MICAL2: variants seen among roughly 807,000 people sequenced by gnomAD.
MICAL2 encodes microtubule associated monooxygenase, calponin and LIM domain containing 2, also known as [F-actin]-monooxygenase MICAL2.
MICAL2 carries 77 observed loss-of-function variants against 127.3 expected under a neutral mutation model. The observed-to-expected ratio is 0.60, with a 90% confidence interval of 0.50 to 0.73. MICAL2 has a LOEUF of 0.73. Among genes scored for constraint, MICAL2 ranks in the 30% least tolerant of loss-of-function variants. MICAL2 has a pLI of 0.00. For synonymous variants in MICAL2, 570 were observed against 551.1 expected (o/e 1.03, Z -0.48); for missense variants, 1,351 against 1,434.4 (o/e 0.94, Z 0.94).
chr11:12,162,370 G>A lies in MICAL2; in HGVS notation c.215G>A (p.Arg72His), dbSNP rs749392019. 55 of 1,614,150 alleles carry A rather than the reference G, an allele frequency of 3.4e-5. No homozygotes were observed. Among genetic ancestry groups the A allele is most frequent in the African/African-American group, 5.3e-5 (4 of 74,948 alleles). The change falls in exon 3 of 28, where the codon CGT becomes CAT. Residue 72 changes from arginine (R) to histidine (H), a missense_variant. Around this residue, in one of 2 missense-constraint regions of MICAL2, gnomAD observed 599 missense variants for 714.9 expected, o/e 0.84. Coordinates refer to ENST00000683283, the MANE Select transcript of MICAL2 (RefSeq NM_001282663.2). ...AKALWYKLDK[R>H]GSHKEYKRGK... The stretch of plus-strand genomic sequence containing the variant: ...GCCCTGTGGTACAAATTGGATAAGC[G>A]TGGTTCCCACAAAGAGTATAAGCGA...
intron 3 of MICAL2, among the ~76,000 whole-genome samples, chr11:12,176,263 C>T (rs1200165777): frequency 6.6e-6 from 1 of 152,134 alleles, no homozygotes; most frequent in East Asian, 1.9e-4. Flanking sequence ...TCCTGAATAC[C>T]CATGACACTT....
At chr11:12,140,273 C>G (rs1287029481) in intron 2 of MICAL2, among the ~76,000 whole-genome samples, 1 of 152,188 alleles carries the variant, frequency 6.6e-6, no homozygotes, top group African/African-American at 2.4e-5. Context: ...CATGATCAAG[C>G]AGGTGGACTT....
Position 12,313,208 on chromosome 11 carries a change from C to G in MICAL2, c.5213-6488C>G, listed in dbSNP as rs1444855363. 2.9e-5 allele frequency among the ~76,000 whole-genome samples: 4 copies of G among 138,654 alleles called. No individual in the cohort carries two copies. In the Admixed American group the frequency reaches 2.9e-4, roughly 10 times the overall value. 91.0% of individuals were successfully genotyped at this position (138,654 alleles called of 152,430 possible). On this transcript the variant is annotated intron_variant, in intron 29 of 34. Coordinates refer to the MICAL2 transcript ENST00000646065. ...AAAAAAGATCTAGAGTCAAACAAGA[C>G]AAGTCAGATTATTTCTTTATGGACA... is the stretch of plus-strand genomic sequence containing the variant.
At chr11:12,288,536 C>T (rs1288581747), downstream of MICAL2, among the ~76,000 whole-genome samples, 1 of 152,192 alleles carries the variant, frequency 6.6e-6, no homozygotes, top group Non-Finnish European at 1.5e-5. Context: ...GGAAACTCAG[C>T]CTTTAGTTAT....
At position 12,260,844 on chromosome 11, in the gene MICAL2, C is replaced by G. The variant is rs1438878463; in HGVS notation, c.3334+947C>G. On this transcript the variant is annotated intron_variant, in intron 26 of 27. Transcript: ENST00000683283. ...ACAGTAGCTTAAAGGCTTTCCCCCCCATACCAACTCACAGCCAAATGACAA... is the reference window on the plus strand; with the variant it reads ...ACAGTAGCTTAAAGGCTTTCCCCCCGATACCAACTCACAGCCAAATGACAA... The G allele has an allele frequency of 1.3e-5, 13 of 985,338 alleles. No homozygotes were observed. The East Asian group carries it at 1.2e-3, about 94-fold the overall frequency. 61.0% of individuals were successfully genotyped at this position (985,338 alleles called of 1,614,324 possible). A position where few individuals can be genotyped will look rare whatever the true frequency, so the allele number is the denominator to read the frequency against.
chr11:12,348,994 G>T (rs1295220383), intron 32 of MICAL2, among the ~76,000 whole-genome samples: 1 of 152,186 alleles, frequency 6.6e-6, no homozygotes, highest in Non-Finnish European at 1.5e-5. Context: ...TAAGCAACTT[G>T]CACAAGGTCA....
chr11:12,330,508 T>G (rs947568102), intron 32 of MICAL2, among the ~76,000 whole-genome samples: 2 of 152,126 alleles, frequency 1.3e-5, no homozygotes, highest in East Asian at 3.9e-4. Flanking sequence ...GAAAGGGGCT[T>G]TTGTTCTGGG....
chr11:12,164,183 A>C (rs1394240473), intron 3 of MICAL2, among the ~76,000 whole-genome samples: 2 of 152,148 alleles, frequency 1.3e-5, no homozygotes, highest in Non-Finnish European at 1.5e-5. Context: ...TAGAACAGTC[A>C]TCACATCTTG....
At chr11:12,120,489 G>T (rs1266096033) in intron 1 of MICAL2, among the ~76,000 whole-genome samples, 2 of 152,186 alleles carry the variant, frequency 1.3e-5, no homozygotes, top group Non-Finnish European at 2.9e-5. Context: ...ATGGAGGGAG[G>T]TGCATTAGAC....
Position 12,162,247 on chromosome 11 carries a change from C to T in MICAL2, c.92C>T (p.Ala31Val). Reference protein sequence around the residue: ...QASTCKGTLQAFNILTRHLDL... With the variant: ...QASTCKGTLQVFNILTRHLDL... ...TCCACGTGCAAAGGTACCCTCCAGG[C>T]CTTCAACATTCTCACACGACACCTG... is the stretch of plus-strand genomic sequence containing the variant. Residue 31 changes from alanine (A) to valine (V), a missense_variant, in exon 3 of 28, where the codon GCC becomes GTC. Ala to Val is a moderately conservative substitution (Grantham distance 64). Around this residue, in one of 2 missense-constraint regions of MICAL2, gnomAD observed 599 missense variants for 714.9 expected, o/e 0.84. Transcript: ENST00000683283. 5 of 1,614,230 alleles carry T rather than the reference C, an allele frequency of 3.1e-6. No individual in the cohort carries two copies. Among genetic ancestry groups the T allele is most frequent in the African/African-American group, 2.7e-5 (2 of 75,052 alleles).
chr11:12,125,428 G>T (rs1564993154), intron 1 of MICAL2, among the ~76,000 whole-genome samples: 1 of 152,066 alleles, frequency 6.6e-6, no homozygotes, highest in African/African-American at 2.4e-5. Context: ...TAATTTTTTT[G>T]TATTTTTAGT....
chr11:12,204,420 C>T lies in MICAL2; in HGVS notation c.435C>T (p.Phe145=). Reference sequence around the variant, plus strand: ...TTCGTGGCCTGGGAGCCAAGAAGTTCTATGGGAAGTTCTGTGCTGGCTCCA... The same window carrying T: ...TTCGTGGCCTGGGAGCCAAGAAGTTTTATGGGAAGTTCTGTGCTGGCTCCA... ...HDLRGLGAKK[F]YGKFCAGSID... The change falls in exon 4 of 28, where the codon TTC becomes TTT. Residue 145 remains phenylalanine, a synonymous_variant. Coordinates refer to ENST00000683283, the MANE Select transcript of MICAL2 (RefSeq NM_001282663.2). 6.2e-7 allele frequency: 1 copy of T among 1,614,174 alleles called. No individual in the cohort carries two copies. The highest frequency in any genetic ancestry group is 8.5e-7 in the Non-Finnish European group (1 of 1,180,016).
At position 12,339,795 on chromosome 11, in the gene MICAL2, G is replaced by A. The variant is rs138605231; in HGVS notation, c.5516-10043G>A. Among the ~76,000 whole-genome samples the A allele has an allele frequency of 4.9e-3, 741 of 152,270 alleles. 4 individuals carry two copies. Among genetic ancestry groups the A allele is most frequent in the African/African-American group, 0.017 (689 of 41,542 alleles). On this transcript the variant is annotated intron_variant, in intron 32 of 34. Transcript: ENST00000646065. ...GAACCGCAAATGCTGCTGCCTGATC[G>A]TTCCTTTGGAAGTTTTGTCTCAGAG...
At chr11:12,334,915 G>A (rs568382800) in intron 32 of MICAL2, among the ~76,000 whole-genome samples, 6 of 152,128 alleles carry the variant, frequency 3.9e-5, no homozygotes, top group East Asian at 1.9e-4. Flanking sequence ...GTAAACATAC[G>A]TGCACATGTG....
chr11:12,148,767 TG>T (rs1853241272), intron 2 of MICAL2, among the ~76,000 whole-genome samples: 1 of 152,180 alleles, frequency 6.6e-6, no homozygotes, highest in African/African-American at 2.4e-5. Context: ...TGCAAGGGTA[TG>T]TGCAAAACCA....
At chr11:12,281,003 C>T (rs910750557) in exon 2 of MICAL2, 96 of 399,048 alleles carry the variant, frequency 2.4e-4, no homozygotes, top group Non-Finnish European at 3.3e-4. Context: ...GAAACCCTGG[C>T]GGCCAGGATC....
rs575258390 is a variant in MICAL2, at chr11:12,352,491, G to A, written c.5616-2293G>A. 2.3e-3 allele frequency among the ~76,000 whole-genome samples: 346 copies of A among 152,296 alleles called. 1 individual carries two copies. The highest frequency in any genetic ancestry group is 3.1e-3 in the Non-Finnish European group (210 of 68,028). On this transcript the variant is annotated intron_variant, in intron 33 of 34. Transcript: ENST00000646065. ...TGTGTCCCATAACTGCAGCTTCCCC[G>A]GTCAACGCACTGTAGGAAGGACTTT...
rs747440854 is a variant in MICAL2 at position 12,187,042 on chromosome 11, G to A, written c.265-17208G>A. 7.0e-4 allele frequency among the ~76,000 whole-genome samples: 107 copies of A among 152,190 alleles called. 1 individual carries two copies. The highest frequency in any genetic ancestry group is 1.2e-3 in the Admixed American group (18 of 15,274). ...ATTTCCCTCCATGAATTAGAGCAGC[G>A]GTGTGCTTTCTGCCTGAGGCTCCAG... On this transcript the variant is annotated intron_variant, in intron 3 of 27. Transcript: ENST00000683283.
At chr11:12,284,164 T>G (rs528314126) in intron 2 of MICAL2, among the ~76,000 whole-genome samples, 55 of 152,304 alleles carry the variant, frequency 3.6e-4, no homozygotes, top group African/African-American at 1.3e-3. Context: ...ACTAATTAGA[T>G]TTAGGAGAAC....
Sources: gnomAD v4.1 joint callset for allele counts (sites outside exome capture counted in the v4.1 genomes callset) on GRCh38, gnomAD v4.1.1 for gene constraint, gnomAD v4.1.1 regional missense constraint, MANE v1.5 for transcripts, NCBI Gene and HGNC (gene_info 2026-07-23, HGNC 2026-07-21) for gene names.